RIC1: variants seen among roughly 807,000 people sequenced by gnomAD.
RIC1 encodes the protein guanine nucleotide exchange factor subunit RIC1.
Under a neutral mutation model 169.0 loss-of-function variants are expected in RIC1, and 88 were observed. That is an observed-to-expected ratio of 0.52 (90% CI 0.44 to 0.62). RIC1 has a LOEUF of 0.62. Among genes scored for constraint, RIC1 ranks in the 20% least tolerant of loss-of-function variants. RIC1 has a pLI of 0.00. For missense variants in RIC1, 1,877 were observed against 1,725.5 expected, an observed-to-expected ratio of 1.09 and a Z score of -1.56; for synonymous variants, 790 against 601.5, an observed-to-expected ratio of 1.31 and a Z score of -4.59.
intron 6 of RIC1, among the ~76,000 whole-genome samples, chr9:5,723,695 C>T (rs200741926): frequency 6.6e-6 from 1 of 151,946 alleles, no homozygotes; most frequent in Non-Finnish European, 1.5e-5. Context: ...GTTTTAGGTC[C>T]AACATTTAAG....
chr9:5,708,251 A>G (rs142613228), intron 3 of RIC1, among the ~76,000 whole-genome samples: 109 of 152,260 alleles, frequency 7.2e-4, no homozygotes, highest in African/African-American at 2.3e-3. Flanking sequence ...AACTGTTAAC[A>G]TAGATATATA....
chr9:5,643,916 T>A (rs2130338469), intron 1 of RIC1, among the ~76,000 whole-genome samples: 1 of 152,322 alleles, frequency 6.6e-6, no homozygotes, highest in Non-Finnish European at 1.5e-5. Flanking sequence ...TCAGAGAGGT[T>A]TCTTACCTTT....
Position 5,775,423 on chromosome 9 carries a change from C to T in RIC1, c.*1177C>T, listed in dbSNP as rs1827527719. 1.3e-5 allele frequency: 2 copies of T among 152,112 alleles called. No individual in the cohort carries two copies. The highest frequency in any genetic ancestry group is 4.1e-4 in the South Asian group (2 of 4,822). 9.4% of individuals were successfully genotyped at this position (152,112 alleles called of 1,614,324 possible). A position where few individuals can be genotyped will look rare whatever the true frequency, so the allele number is the denominator to read the frequency against. ...AAACACCCATCCACTGTATGTAATT[C>T]TAATTACCTTATAACAGTATTAAGA... On this transcript the variant is annotated 3_prime_UTR_variant, in exon 26 of 26. Transcript: ENST00000414202.
chr9:5,658,078 A>C (rs1023682518), intron 2 of RIC1, among the ~76,000 whole-genome samples: 12 of 152,090 alleles, frequency 7.9e-5, no homozygotes, highest in African/African-American at 2.9e-4. Context: ...GTAACTTCAT[A>C]ACATTTCAAG....
At chr9:5,654,776 C>G (rs956363887) in intron 1 of RIC1, among the ~76,000 whole-genome samples, 2 of 152,178 alleles carry the variant, frequency 1.3e-5, no homozygotes, top group Non-Finnish European at 2.9e-5. Context: ...TGGTCTTGAA[C>G]TCCTGACCTT....
chr9:5,730,255 T>C (rs1384116629), intron 6 of RIC1, among the ~76,000 whole-genome samples: 1 of 152,106 alleles, frequency 6.6e-6, no homozygotes, highest in Non-Finnish European at 1.5e-5. Flanking sequence ...CTAAAAGAGC[T>C]GGAGAAAAAA....
At chr9:5,737,733 T>C (rs1209294366) in intron 7 of RIC1, among the ~76,000 whole-genome samples, 2 of 151,656 alleles carry the variant, frequency 1.3e-5, no homozygotes, top group Admixed American at 6.6e-5. Flanking sequence ...ACTAATAGCA[T>C]ACTGTTGACT....
Position 5,763,857 on chromosome 9 carries a change from A to G in RIC1, c.2830A>G (p.Ile944Val). The G allele has an allele frequency of 6.2e-7, 1 of 1,610,612 alleles. No individual in the cohort carries two copies. Among genetic ancestry groups the G allele is most frequent in the Non-Finnish European group, 8.5e-7 (1 of 1,177,638 alleles). Residue 944 changes from isoleucine (I) to valine (V), a missense_variant, in exon 19 of 26, where the codon ATT becomes GTT. Physicochemically the swap from Ile to Val is conservative, Grantham distance 29. Transcript: ENST00000414202. The surrounding 1 kb of genome is among the most constrained non-coding windows in gnomAD (Gnocchi z 5.2). ...QDLDTAASYL[I>V]ILQNMEVPAV... is the part of the protein sequence containing the mutation. ...TTTGGACACAGCTGCCTCTTACCTT[A>G]TTATCTTACAGGTAACAATTCTCTT... is the stretch of plus-strand genomic sequence containing the variant.
In RIC1 at chr9:5,713,902, T is replaced by A; in HGVS notation, c.339T>A (p.Ser113Arg). The A allele has an allele frequency of 6.2e-7, 1 of 1,611,596 alleles. No homozygotes were observed. The highest frequency in any genetic ancestry group is 8.5e-7 in the Non-Finnish European group (1 of 1,178,014). ...YLYEPVYPKG[S>R]PQMKGTPHFK... ...TCTATGCTGTTTGTTTTAGAGGAAG[T>A]CCACAAATGAAGGGGACACCCCATT... The change falls in exon 4 of 26, where the codon AGT becomes AGA. Residue 113 changes from serine to arginine, a missense_variant. This residue lies in a region of RIC1 where 1,104 missense variants were observed against 992.0 expected (regional missense o/e 1.11). Transcript: ENST00000414202.
intron 17 of RIC1, among the ~76,000 whole-genome samples, 173 bp from the exon 18 acceptor site, chr9:5,762,368 C>A (rs1266222862): frequency 6.6e-6 from 1 of 152,196 alleles, no homozygotes; most frequent in African/African-American, 2.4e-5. Flanking sequence ...TTTGTACCAT[C>A]CTAGCCAGAA....
chr9:5,690,565 C>T (rs1368192789), intron 3 of RIC1, among the ~76,000 whole-genome samples: 2 of 144,292 alleles, frequency 1.4e-5, no homozygotes. Context: ...AGCATTCCAT[C>T]TTTTTTTTTT....
chr9:5,737,727 A>G (rs1488949920), intron 7 of RIC1, among the ~76,000 whole-genome samples: 1 of 151,682 alleles, frequency 6.6e-6, no homozygotes, highest in Non-Finnish European at 1.5e-5. Flanking sequence ...TTAACTACTA[A>G]TAGCATACTG....
rs71487829 is a variant in RIC1, at chr9:5,733,263, A to AT, written c.812+802dup. 5.8e-3 allele frequency among the ~76,000 whole-genome samples: 780 copies of AT among 134,860 alleles called. 4 individuals carry two copies. The highest frequency in any genetic ancestry group is 0.012 in the African/African-American group (425 of 36,442). The allele number at this position is 134,860 out of a possible 152,430, so 88.5% of individuals were successfully genotyped here. On this transcript the variant is annotated intron_variant, in intron 7 of 25. Coordinates refer to ENST00000414202, the MANE Select transcript of RIC1 (RefSeq NM_020829.4). ...TCACCACCCAATTTAAGTATCAAAG[A>AT]TTTTTTTTTTTTTTTTTTGAGATGG...
At chr9:5,742,798 G>T (rs373331915) in intron 8 of RIC1, 71 bp from the exon 9 acceptor site, 2 of 1,023,610 alleles carry the variant, frequency 2.0e-6, no homozygotes, top group East Asian at 3.0e-5. Flanking sequence ...GATTGTATTT[G>T]AAAAAAAAAA....
intron 7 of RIC1, among the ~76,000 whole-genome samples, chr9:5,737,518 T>G (rs1725086961): frequency 6.8e-6 from 1 of 147,736 alleles, no homozygotes; most frequent in Non-Finnish European, 1.5e-5. Flanking sequence ...TTACCACAAA[T>G]ATATTTACTA....
intron 2 of RIC1, among the ~76,000 whole-genome samples, chr9:5,683,590 G>C (rs948644358): frequency 6.6e-6 from 1 of 152,194 alleles, no homozygotes; most frequent in African/African-American, 2.4e-5. Flanking sequence ...CTACTCAGGG[G>C]TCAGGGACCC....
intron 3 of RIC1, among the ~76,000 whole-genome samples, chr9:5,695,576 T>C (rs1267438118): frequency 4.0e-5 from 6 of 148,580 alleles, no homozygotes; most frequent in Non-Finnish European, 9.0e-5. Context: ...TATATCTTTT[T>C]TTTTTTTTTT....
At chr9:5,722,256 ATT>A (rs771921878) in intron 6 of RIC1, among the ~76,000 whole-genome samples, 74 of 98,518 alleles carry the variant, frequency 7.5e-4, no homozygotes, top group Admixed American at 1.0e-3. Context: ...GGAGGAAGAG[ATT>A]TTTTTTTTTT....
chr9:5,743,779 C>G, intron 10 of RIC1, 42 bp downstream of exon 10: 2 of 1,446,686 alleles, frequency 1.4e-6, no homozygotes, highest in Non-Finnish European at 1.9e-6. Context: ...ATTAAAAAAA[C>G]TTGGATTTTT....
Sources: allele counts gnomAD v4.1 joint callset (sites outside exome capture counted in the v4.1 genomes callset), GRCh38; gene constraint gnomAD v4.1.1; regional missense constraint gnomAD v4.1.1; non-coding constraint Gnocchi (gnomAD v3.1); transcripts MANE v1.5; gene names NCBI Gene and HGNC (gene_info 2026-07-23, HGNC 2026-07-21).